BCAR1: variants seen among roughly 807,000 people sequenced by gnomAD.
The protein encoded by BCAR1 is BCAR1 scaffold protein, Cas family member, also known as breast cancer anti-estrogen resistance protein 1.
A neutral mutation model predicts 67.6 loss-of-function variants in BCAR1; 30 were observed. The observed-to-expected ratio is 0.44, with a 90% confidence interval of 0.33 to 0.60. The LOEUF (loss-of-function observed/expected upper bound fraction) is 0.60, where lower values mean the gene tolerates loss of function less well. Among genes scored for constraint, BCAR1 ranks in the 20% least tolerant of loss-of-function variants. BCAR1 has a pLI of 0.02. For missense variants in BCAR1, 1,313 were observed against 1,222.3 expected (o/e 1.07, Z -1.11); for synonymous variants, 626 against 556.7 (o/e 1.12, Z -1.75).
chr16:75,266,771 G>A, intron 1 of BCAR1: 2 of 1,449,670 alleles, frequency 1.4e-6, no homozygotes, highest in African/African-American at 1.4e-5. Flanking sequence ...GGGGACGGTG[G>A]GTGAGCATCT....
chr16:75,243,138 C>T lies in BCAR1; in HGVS notation c.13-48G>A, dbSNP rs192799512. ...TGAGAACAGAAGGATGTGCATGGGG[C>T]GTCAGGGGCTCCCCAGCTCCTGCCC... On this transcript the variant is annotated intron_variant, in intron 1 of 6. Coordinates refer to ENST00000162330, the MANE Select transcript of BCAR1 (RefSeq NM_014567.5). 27 of 1,526,068 alleles carry T rather than the reference C, an allele frequency of 1.8e-5. No homozygotes were observed. In the Admixed American group the frequency reaches 3.4e-4, roughly 19 times the overall value. 94.5% of individuals were successfully genotyped at this position (1,526,068 alleles called of 1,614,324 possible). A position where few individuals can be genotyped will look rare whatever the true frequency, so the allele number is the denominator to read the frequency against.
chr16:75,251,048 G>A, intron 1 of BCAR1: 5 of 920,410 alleles, frequency 5.4e-6, no homozygotes, highest in Non-Finnish European at 6.5e-6. Flanking sequence ...TCCGGGAGCC[G>A]GTGGGCAGTC....
chr16:75,266,133 G>A lies in BCAR1; in HGVS notation c.66+1782C>T, dbSNP rs562056211. 670 of 724,590 alleles carry A rather than the reference G, an allele frequency of 9.2e-4. 1 individual carries two copies. The highest frequency in any genetic ancestry group is 6.2e-3 in the Middle Eastern group (9 of 1,458). 44.9% of individuals were successfully genotyped at this position (724,590 alleles called of 1,614,324 possible). On this transcript the variant is annotated intron_variant, in intron 1 of 6. Coordinates refer to the BCAR1 transcript ENST00000393422. Reference sequence around the variant, plus strand: ...GGAGGCGCGGTCTCCTCCGCTCCTCGCCGATCCCTCGCGGGCCACCTCCAG... The same window carrying A: ...GGAGGCGCGGTCTCCTCCGCTCCTCACCGATCCCTCGCGGGCCACCTCCAG...
chr16:75,241,696 G>A (rs1162035011), intron 2 of BCAR1, among the ~76,000 whole-genome samples: 1 of 152,218 alleles, frequency 6.6e-6, no homozygotes, highest in Non-Finnish European at 1.5e-5. Flanking sequence ...CCACCCATGG[G>A]CGGGGGTGGG....
intron 4 of BCAR1, 138 bp downstream of exon 4, chr16:75,236,744 T>C: frequency 2.9e-6 from 4 of 1,376,090 alleles, no homozygotes; most frequent in Middle Eastern, 2.5e-4. Flanking sequence ...CTGTCAACCA[T>C]CCAGAACCAG....
intron 1 of BCAR1, chr16:75,247,117 T>G (rs1438849543): frequency 6.5e-6 from 1 of 153,126 alleles, no homozygotes; most frequent in African/African-American, 2.4e-5. Flanking sequence ...CTCACAGTAC[T>G]GCCCAGCATA....
intron 1 of BCAR1, chr16:75,248,154 G>T (rs973877988): frequency 4.1e-5 from 65 of 1,586,488 alleles, no homozygotes; most frequent in Non-Finnish European, 5.4e-5. Context: ...GCTGAGACAC[G>T]GTGGAGCTGG....
chr16:75,265,440 A>C (rs1454027870), intron 1 of BCAR1, among the ~76,000 whole-genome samples: 1 of 152,202 alleles, frequency 6.6e-6, no homozygotes, highest in Admixed American at 6.5e-5. Flanking sequence ...CGGGAGCGGC[A>C]GAGACCCCTC....
Position 75,235,577 on chromosome 16 carries a change from G to A in BCAR1, c.1322C>T (p.Ala441Val), listed in dbSNP as rs1380934806. 9 of 1,595,162 alleles carry A rather than the reference G, an allele frequency of 5.6e-6. No individual in the cohort carries two copies. Among genetic ancestry groups the A allele is most frequent in the East Asian group, 2.3e-5 (1 of 43,996 alleles). Residue 441 changes from alanine to valine, a missense_variant, in exon 5 of 7, where the codon GCG becomes GTG. By Grantham distance (64) the Ala-to-Val change is moderately conservative. Transcript: ENST00000162330. ...STGSTRSSQS[A>V]SSLEVAGPGR... ...CGGCCCTGCCACCTCCAAGGAGGAC[G>A]CAGACTGGCTGCTGCGTGTGCTGCC...
intron 2 of BCAR1, among the ~76,000 whole-genome samples, chr16:75,241,943 GGGGCAGCGTCCTCCCA>G (rs2151433446): frequency 6.6e-6 from 1 of 152,312 alleles, no homozygotes; most frequent in Admixed American, 6.5e-5. Flanking sequence ...AGCAATCTCA[GGGGCAGCGTCCTCCCA>G]GGAGTCACAT....
intron 1 of BCAR1, chr16:75,264,097 C>T (rs2077957654): frequency 2.4e-6 from 3 of 1,253,180 alleles, no homozygotes; most frequent in Admixed American, 3.9e-5. Flanking sequence ...CAGGTCCCCA[C>T]GACAGTGCCT....
In BCAR1 at chr16:75,247,979, G is replaced by A. The variant is rs2077568774; in HGVS notation, c.12+3492C>T. 2.4e-5 allele frequency: 21 copies of A among 891,698 alleles called. No homozygotes were observed. The South Asian group carries it at 2.6e-4, about 11-fold the overall frequency. The allele number at this position is 891,698 out of a possible 1,614,324, so 55.2% of individuals were successfully genotyped here. On this transcript the variant is annotated intron_variant, in intron 1 of 6. Coordinates refer to ENST00000162330, the MANE Select transcript of BCAR1 (RefSeq NM_014567.5). ...AATAAGAACAGCACAGTTCCTCCCT[G>A]CGGGAGGCAGAGCTCTTTCCCACAC...
At position 75,230,156 on chromosome 16, in the gene BCAR1, G is replaced by A. The variant is rs566573581; in HGVS notation, c.2101-133C>T. On this transcript the variant is annotated intron_variant, in intron 6 of 6. Transcript: ENST00000162330. ...AGAGTGCATGGGACTGCAGGGAAAC[G>A]GGCAGTCTCCTCTCCCGGGGACGGG... The A allele has an allele frequency of 1.2e-3, 1,334 of 1,122,202 alleles. 4 individuals are homozygous for A. The highest frequency in any genetic ancestry group is 1.4e-3 in the Non-Finnish European group (1,179 of 826,966). The allele number at this position is 1,122,202 out of a possible 1,614,324, so 69.5% of individuals were successfully genotyped here.
At chr16:75,250,801 G>A in intron 1 of BCAR1, 2 of 985,482 alleles carry the variant, frequency 2.0e-6, no homozygotes, top group Non-Finnish European at 2.4e-6. Context: ...GCCCCCTCCC[G>A]CGACACTCGC....
chr16:75,248,445 C>G, intron 1 of BCAR1: 2 of 932,038 alleles, frequency 2.1e-6, no homozygotes, highest in Non-Finnish European at 1.4e-6. Context: ...AAGCATGCGC[C>G]CAACTGGCCA....
chr16:75,229,610 T>C lies in BCAR1; in HGVS notation c.2514A>G (p.Pro838=), dbSNP rs776973835. The C allele has an allele frequency of 1.2e-6, 2 of 1,612,328 alleles. No individual in the cohort carries two copies. Among genetic ancestry groups the C allele is most frequent in the African/African-American group, 1.3e-5 (1 of 75,054 alleles). ...CCATGTCCTGGGCCGCGGAAGGCGA[T>C]GGGTACTGCAAGGCAGCGGCCTTGG... ...ATTKAAALQY[P]SPSAAQDMVE... Residue 838 remains proline, a synonymous_variant, in exon 7 of 7, where the codon CCA becomes CCG. Coordinates refer to ENST00000162330, the MANE Select transcript of BCAR1 (RefSeq NM_014567.5).
At chr16:75,248,391 G>A in intron 1 of BCAR1, 20 of 1,211,530 alleles carry the variant, frequency 1.7e-5, no homozygotes, top group Non-Finnish European at 2.1e-5. Context: ...CATTCTATTT[G>A]CTTGTCCCAA....
chr16:75,267,895 T>C (rs1378408417), intron 1 of BCAR1: 2 of 1,592,136 alleles, frequency 1.3e-6, no homozygotes, highest in Admixed American at 3.5e-5. Flanking sequence ...GAGGGGACCC[T>C]GGCTAGAGCC....
chr16:75,239,435 C>G (rs1250871021), intron 2 of BCAR1, among the ~76,000 whole-genome samples: 1 of 152,166 alleles, frequency 6.6e-6, no homozygotes, highest in Non-Finnish European at 1.5e-5. Context: ...CCCCTACTAT[C>G]AGGCATCAAG....
Sources: allele counts gnomAD v4.1 joint callset (sites outside exome capture counted in the v4.1 genomes callset), GRCh38; gene constraint gnomAD v4.1.1; transcripts MANE v1.5; gene names NCBI Gene and HGNC (gene_info 2026-07-23, HGNC 2026-07-21).